RIT2: variants seen among roughly 807,000 people sequenced by gnomAD.
RIT2 encodes GTP-binding protein Rit2.
A neutral mutation model predicts 23.7 loss-of-function variants in RIT2; 24 were observed. The observed-to-expected ratio is 1.01, with a 90% confidence interval of 0.73 to 1.43. The LOEUF (loss-of-function observed/expected upper bound fraction) is 1.43, where lower values mean the gene tolerates loss of function less well. Ranked by LOEUF, RIT2 falls within the 40% of genes most tolerant of loss-of-function variation. RIT2 has a pLI of 0.00. For missense variants in RIT2, 236 were observed against 266.9 expected (o/e 0.88, Z 0.81); for synonymous variants, 107 against 91.1 (o/e 1.17, Z -0.99).
chr18:42,826,840 A>AAATAC (rs1356909291), intron 4 of RIT2, among the ~76,000 whole-genome samples: 3 of 152,168 alleles, frequency 2.0e-5, no homozygotes, highest in Admixed American at 2.0e-4. Flanking sequence ...TAGAAAAATA[A>AAATAC]AATACTAAAA....
chr18:42,750,833 C>T (rs2642797), intron 4 of RIT2, among the ~76,000 whole-genome samples: 81,736 of 151,340 alleles, frequency 0.54, 24,886 homozygotes, highest in Middle Eastern at 0.71. Flanking sequence ...TATTCAAACC[C>T]TGAAAACTTT....
chr18:42,866,082 A>G (rs547451769), intron 4 of RIT2, among the ~76,000 whole-genome samples: 2 of 152,304 alleles, frequency 1.3e-5, no homozygotes, highest in South Asian at 4.1e-4. Flanking sequence ...CTCACAATAC[A>G]GTCCATAGAT....
intron 1 of RIT2, among the ~76,000 whole-genome samples, chr18:43,057,815 T>TTTTTTTTTTTTA (rs1555655196): frequency 1.3e-5 from 2 of 150,430 alleles, no homozygotes; most frequent in African/African-American, 2.5e-5. Flanking sequence ...TTTTTTTTTT[T>TTTTTTTTTTTTA]ATCATCTAAG....
At chr18:42,894,034 G>A (rs1908254794) in intron 4 of RIT2, among the ~76,000 whole-genome samples, 4 of 152,214 alleles carry the variant, frequency 2.6e-5, no homozygotes, top group Admixed American at 1.3e-4. Context: ...AGGACAGCAA[G>A]CATGATAGAG....
intron 4 of RIT2, among the ~76,000 whole-genome samples, chr18:42,834,374 T>C (rs892608011): frequency 6.6e-6 from 1 of 152,156 alleles, no homozygotes; most frequent in African/African-American, 2.4e-5. Flanking sequence ...TTTTCTTACC[T>C]GTAACTTAAT....
intron 3 of RIT2, among the ~76,000 whole-genome samples, chr18:42,959,513 A>T (rs1910049390): frequency 6.6e-6 from 1 of 152,012 alleles, no homozygotes; most frequent in African/African-American, 2.4e-5. Context: ...TCAGTTATTG[A>T]AAATTTTCAT....
chr18:42,975,403 T>C (rs1910455928), intron 2 of RIT2, among the ~76,000 whole-genome samples: 1 of 152,084 alleles, frequency 6.6e-6, no homozygotes, highest in African/African-American at 2.4e-5. Flanking sequence ...CTTTTTGATG[T>C]GCTGCTGGAT....
intron 1 of RIT2, among the ~76,000 whole-genome samples, chr18:43,063,562 C>G (rs1427200105): frequency 6.6e-6 from 1 of 152,048 alleles, no homozygotes; most frequent in Admixed American, 6.6e-5. Context: ...TTTATGGATT[C>G]TTCTTTAGTA....
intron 4 of RIT2, among the ~76,000 whole-genome samples, chr18:42,842,921 G>T (rs1293415550): frequency 6.6e-6 from 1 of 152,148 alleles, no homozygotes; most frequent in Non-Finnish European, 1.5e-5. Flanking sequence ...CTACAGAATA[G>T]AGAGCTGAGG....
At chr18:42,981,042 C>T (rs1011448100) in intron 2 of RIT2, among the ~76,000 whole-genome samples, 1 of 152,126 alleles carries the variant, frequency 6.6e-6, no homozygotes, top group Admixed American at 6.6e-5. Context: ...AATTCCCTGG[C>T]TGTCTTCTGC....
intron 1 of RIT2, among the ~76,000 whole-genome samples, chr18:43,057,232 T>C (rs942590491): frequency 1.3e-5 from 2 of 152,140 alleles, no homozygotes; most frequent in African/African-American, 2.4e-5. Flanking sequence ...TAATATATTG[T>C]TCTAATCAGT....
At chr18:42,962,491 GATA>G (rs1910115828) in intron 3 of RIT2, among the ~76,000 whole-genome samples, 1 of 152,138 alleles carries the variant, frequency 6.6e-6, no homozygotes, top group Non-Finnish European at 1.5e-5. Flanking sequence ...AGCATTTTCA[GATA>G]ATAAGCTGAA....
At chr18:42,844,144 G>C (rs1237681584) in intron 4 of RIT2, among the ~76,000 whole-genome samples, 1 of 152,160 alleles carries the variant, frequency 6.6e-6, no homozygotes, top group Non-Finnish European at 1.5e-5. Context: ...TCTGGGCACT[G>C]ACATAAGAGC....
intron 1 of RIT2, among the ~76,000 whole-genome samples, chr18:43,039,103 T>C (rs1266641539): frequency 6.6e-6 from 1 of 152,210 alleles, no homozygotes; most frequent in Non-Finnish European, 1.5e-5. Context: ...TTGTCAGTTC[T>C]GGTTCTGTTT....
intron 4 of RIT2, among the ~76,000 whole-genome samples, chr18:42,839,555 T>C (rs1005467849): frequency 2.0e-5 from 3 of 152,210 alleles, no homozygotes; most frequent in Non-Finnish European, 2.9e-5. Flanking sequence ...TATGAAAGTA[T>C]AATGTGATAC....
chr18:42,923,127 G>T (rs1374574640), intron 4 of RIT2, among the ~76,000 whole-genome samples: 1 of 152,144 alleles, frequency 6.6e-6, no homozygotes, highest in African/African-American at 2.4e-5. Context: ...ATGCAAAGTG[G>T]CTTTGCCCAC....
In RIT2 at chr18:42,801,330, T is replaced by C. The variant is rs187392623; in HGVS notation, c.427-57610A>G. Among the ~76,000 whole-genome samples the C allele has an allele frequency of 2.6e-5, 4 of 152,344 alleles. No homozygotes were observed. In the East Asian group the frequency reaches 7.7e-4, roughly 29 times the overall value. ...TCTAAGCTCCTGACTAAATATAAGCTGACCACATACATGTATTCTATTGGA... is the reference window on the plus strand; with the variant it reads ...TCTAAGCTCCTGACTAAATATAAGCCGACCACATACATGTATTCTATTGGA... On this transcript the variant is annotated intron_variant, in intron 4 of 4. Coordinates refer to ENST00000326695, the MANE Select transcript of RIT2 (RefSeq NM_002930.4).
intron 4 of RIT2, among the ~76,000 whole-genome samples, chr18:42,785,826 G>C (rs1054379650): frequency 6.6e-6 from 1 of 152,084 alleles, no homozygotes; most frequent in Non-Finnish European, 1.5e-5. Flanking sequence ...CAGTTAGAAA[G>C]GGTGACCACA....
chr18:42,932,951 T>C (rs898962315), intron 3 of RIT2, among the ~76,000 whole-genome samples: 1 of 152,144 alleles, frequency 6.6e-6, no homozygotes, highest in Non-Finnish European at 1.5e-5. Context: ...TAGCAATTAA[T>C]TATATCTTTC....
Sources: gnomAD v4.1 joint callset for allele counts (sites outside exome capture counted in the v4.1 genomes callset) on GRCh38, gnomAD v4.1.1 for gene constraint, MANE v1.5 for transcripts, NCBI Gene and HGNC (gene_info 2026-07-23, HGNC 2026-07-21) for gene names.